Variants in MCU observed in about 807,000 individuals in gnomAD.
MCU encodes calcium uniporter protein, mitochondrial.
Under a neutral mutation model 45.2 loss-of-function variants are expected in MCU, and 12 were observed. The observed-to-expected ratio is 0.27, with a 90% CI of 0.17 to 0.43. The LOEUF (loss-of-function observed/expected upper bound fraction) is 0.43. Ranked by LOEUF, MCU falls within the 20% of genes least tolerant of loss-of-function variation. The pLI is 1.00. For synonymous variants in MCU, 160 were observed against 165.1 expected, an observed-to-expected ratio of 0.97 and a Z score of 0.24; for missense variants, 324 against 436.7, an observed-to-expected ratio of 0.74 and a Z score of 2.30.
chr10:72,824,965 A>G (rs74145972), intron 1 of MCU, among the ~76,000 whole-genome samples: 1 of 152,266 alleles, frequency 6.6e-6, no homozygotes, highest in African/African-American at 2.4e-5. Context: ...TTTTTATTTT[A>G]GGCTTACCTG....
rs532388690 is a variant in MCU, at chr10:72,884,021, T to C, written c.862-245T>C. Among the ~76,000 whole-genome samples, 51 of 152,222 alleles carry C rather than the reference T, an allele frequency of 3.4e-4. No individual in the cohort carries two copies. The South Asian group carries it at 9.7e-3, about 29-fold the overall frequency. ...GGGAGTTTCTGGATTGTTGGCAGAG[T>C]TCTATTTTTATAAAACCTGGTGATG... On this transcript the variant is annotated intron_variant, in intron 6 of 7. Coordinates refer to ENST00000373053, the MANE Select transcript of MCU (RefSeq NM_138357.3).
intron 1 of MCU, among the ~76,000 whole-genome samples, chr10:72,714,176 A>G (rs1169889226): frequency 2.0e-5 from 3 of 151,658 alleles, no homozygotes; most frequent in Non-Finnish European, 4.4e-5. Flanking sequence ...CATGTTGGCC[A>G]GGCTGGTCTC....
chr10:72,799,488 ATT>A (rs1202071479), intron 1 of MCU, among the ~76,000 whole-genome samples: 1 of 145,330 alleles, frequency 6.9e-6, no homozygotes. Flanking sequence ...AATATATAAC[ATT>A]TTTTTTTTTT....
At chr10:72,812,372 C>T (rs1844557763) in intron 1 of MCU, among the ~76,000 whole-genome samples, 1 of 152,122 alleles carries the variant, frequency 6.6e-6, no homozygotes, top group South Asian at 2.1e-4. Context: ...TCTCGAACTC[C>T]TGAGCTCAGG....
chr10:72,795,553 C>T (rs897003363), intron 1 of MCU, among the ~76,000 whole-genome samples: 7 of 152,124 alleles, frequency 4.6e-5, no homozygotes, highest in South Asian at 4.1e-4. Flanking sequence ...GATATAATTT[C>T]TGGGACTTAT....
At chr10:72,758,513 A>G (rs563732295) in intron 1 of MCU, among the ~76,000 whole-genome samples, 72 of 152,320 alleles carry the variant, frequency 4.7e-4, no homozygotes, top group Admixed American at 1.2e-3. Flanking sequence ...CCTCAGAGAA[A>G]CTGCCACCCA....
At chr10:72,787,624 A>G (rs1589459809) in intron 1 of MCU, among the ~76,000 whole-genome samples, 9 of 152,094 alleles carry the variant, frequency 5.9e-5, no homozygotes. Context: ...AAACCAATAT[A>G]TGTCTATTTT....
intron 1 of MCU, among the ~76,000 whole-genome samples, chr10:72,764,724 G>A (rs2132727216): frequency 6.6e-6 from 1 of 152,268 alleles, no homozygotes; most frequent in Non-Finnish European, 1.5e-5. Context: ...ATGGGCTGCA[G>A]TCTACTCAGA....
At chr10:72,880,054 AAAT>A (rs1314167863) in intron 6 of MCU, among the ~76,000 whole-genome samples, 1 of 152,200 alleles carries the variant, frequency 6.6e-6, no homozygotes, top group Non-Finnish European at 1.5e-5. Context: ...TCTCAAAAAT[AAAT>A]AAGTAAAATT....
chr10:72,833,976 C>G (rs1168527714), intron 1 of MCU, among the ~76,000 whole-genome samples: 2 of 152,168 alleles, frequency 1.3e-5, no homozygotes, highest in African/African-American at 4.8e-5. Context: ...AGACGCAGAT[C>G]TGAAAGGTAA....
intron 1 of MCU, among the ~76,000 whole-genome samples, chr10:72,755,732 A>G (rs1843566314): frequency 1.3e-5 from 2 of 152,332 alleles, no homozygotes; most frequent in Non-Finnish European, 2.9e-5. Flanking sequence ...GATCATCTAA[A>G]TATGGCATCT....
intron 1 of MCU, among the ~76,000 whole-genome samples, chr10:72,757,772 A>G (rs1410534090): frequency 6.6e-6 from 1 of 152,216 alleles, no homozygotes; most frequent in Non-Finnish European, 1.5e-5. Context: ...AAGAAATATA[A>G]TTTTTCCTTA....
chr10:72,805,780 A>G (rs903753845), intron 1 of MCU, among the ~76,000 whole-genome samples: 13 of 152,202 alleles, frequency 8.5e-5, no homozygotes, highest in East Asian at 3.8e-4. Flanking sequence ...TCCTGCTTTC[A>G]TAGAGCAACA....
At chr10:72,789,075 A>C (rs1213074564) in intron 1 of MCU, among the ~76,000 whole-genome samples, 1 of 151,846 alleles carries the variant, frequency 6.6e-6, no homozygotes, top group East Asian at 1.9e-4. Flanking sequence ...GATTGTGTCT[A>C]CTCCTTGAGC....
At chr10:72,844,404 A>C (rs986154920) in intron 2 of MCU, among the ~76,000 whole-genome samples, 2 of 151,904 alleles carry the variant, frequency 1.3e-5, no homozygotes, top group Non-Finnish European at 2.9e-5. Context: ...ATGTAAAAAA[A>C]TAGAAATACA....
At chr10:72,726,256 CG>C (rs1193867135) in intron 1 of MCU, among the ~76,000 whole-genome samples, 9 of 145,586 alleles carry the variant, frequency 6.2e-5, no homozygotes, top group African/African-American at 1.3e-4. Flanking sequence ...CACACACACA[CG>C]TGTGTGTGTG....
chr10:72,722,311 C>A (rs2132673473), intron 1 of MCU, among the ~76,000 whole-genome samples: 4 of 85,904 alleles, frequency 4.7e-5, no homozygotes, highest in Non-Finnish European at 2.2e-5. Context: ...AGTGAAACTC[C>A]ATCTCAAAAA....
chr10:72,801,689 T>A (rs565852315), intron 1 of MCU, among the ~76,000 whole-genome samples: 5 of 150,854 alleles, frequency 3.3e-5, no homozygotes, highest in South Asian at 4.2e-4. Context: ...TTTTTTTTTT[T>A]AATACGCGGT....
intron 1 of MCU, among the ~76,000 whole-genome samples, chr10:72,790,711 CTGGTGCTACATA>C (rs1171494231): frequency 6.6e-6 from 1 of 152,116 alleles, no homozygotes; most frequent in South Asian, 2.1e-4. Flanking sequence ...CTAGGGAAGG[CTGGTGCTACATA>C]ATAAAAGCTA....
Sources: gnomAD v4.1 joint callset for allele counts (sites outside exome capture counted in the v4.1 genomes callset) on GRCh38, gnomAD v4.1.1 for gene constraint, MANE v1.5 for transcripts, NCBI Gene and HGNC (gene_info 2026-07-23, HGNC 2026-07-21) for gene names.